GNAL: variants seen among roughly 807,000 people sequenced by gnomAD.
The protein encoded by GNAL is G protein subunit alpha L, also known as guanine nucleotide-binding protein G(olf) subunit alpha.
GNAL carries 18 observed loss-of-function variants against 55.1 expected under a neutral mutation model. That is an observed-to-expected ratio of 0.33 (90% CI 0.23 to 0.48). GNAL has a LOEUF of 0.48. Ranked by LOEUF, GNAL falls within the 20% of genes least tolerant of loss-of-function variation. GNAL has a pLI of 0.99. For synonymous variants in GNAL, 253 were observed against 237.0 expected (o/e 1.07, Z -0.62); for missense variants, 412 against 614.1 (o/e 0.67, Z 3.48).
intron 4 of GNAL, among the ~76,000 whole-genome samples, chr18:11,796,603 C>T (rs1028803296): frequency 8.6e-6 from 1 of 116,036 alleles, no homozygotes; most frequent in Admixed American, 7.8e-5. Flanking sequence ...AAACAAAACA[C>T]GCAACCTTTC....
At chr18:11,743,935 G>A (rs911601566) in intron 1 of GNAL, among the ~76,000 whole-genome samples, 1 of 152,156 alleles carries the variant, frequency 6.6e-6, no homozygotes, top group Admixed American at 6.5e-5. Context: ...TGGTCTTCGG[G>A]GATATTTTTG....
At chr18:11,822,211 T>C (rs2035114793) in intron 4 of GNAL, among the ~76,000 whole-genome samples, 2 of 152,094 alleles carry the variant, frequency 1.3e-5, no homozygotes, top group African/African-American at 2.4e-5. Context: ...TGGGCGCGCC[T>C]GTGGAATCAC....
chr18:11,783,735 G>T (rs758176610), intron 4 of GNAL, among the ~76,000 whole-genome samples: 1 of 152,182 alleles, frequency 6.6e-6, no homozygotes, highest in Non-Finnish European at 1.5e-5. Context: ...ATTTCAGCAT[G>T]TAGTGTTTAG....
intron 11 of GNAL, among the ~76,000 whole-genome samples, chr18:11,880,031 G>A (rs2036628556): frequency 6.6e-6 from 1 of 151,422 alleles, no homozygotes. Flanking sequence ...GGCCGAGGCA[G>A]GCGGATCATG....
chr18:11,864,673 G>C, intron 7 of GNAL, 67 bp downstream of exon 7: 2 of 861,150 alleles, frequency 2.3e-6, no homozygotes, highest in Non-Finnish European at 4.0e-6. Context: ...AGGGCTGTGA[G>C]GTTTAAGGGG....
rs1442081470 is a variant in GNAL at position 11,852,231 on chromosome 18, A to G, written c.723-10164A>G. On this transcript the variant is annotated intron_variant, in intron 5 of 11. Coordinates refer to ENST00000334049, the MANE Select transcript of GNAL (RefSeq NM_182978.4). ...CGCCAGAATGCTGAAATGCCCTTCTACCTTTGGGTTTACAGCCCCCTCCAC... is the reference window on the plus strand; with the variant it reads ...CGCCAGAATGCTGAAATGCCCTTCTGCCTTTGGGTTTACAGCCCCCTCCAC... The G allele has an allele frequency of 7.7e-6, 10 of 1,291,326 alleles. 1 individual carries two copies. In the Middle Eastern group the frequency reaches 7.8e-4, roughly 100 times the overall value. The allele number at this position is 1,291,326 out of a possible 1,614,324, so 80.0% of individuals were successfully genotyped here. A position where few individuals can be genotyped will look rare whatever the true frequency, so the allele number is the denominator to read the frequency against.
chr18:11,794,434 G>C (rs2034322030), intron 4 of GNAL, among the ~76,000 whole-genome samples: 1 of 152,208 alleles, frequency 6.6e-6, no homozygotes, highest in Admixed American at 6.5e-5. Context: ...GCCACAGCAT[G>C]GATGAACCTT....
rs569472234 is a variant in GNAL, at chr18:11,813,497, C to T, written c.625-11421C>T. 2.6e-5 allele frequency among the ~76,000 whole-genome samples: 4 copies of T among 152,154 alleles called. No individual in the cohort carries two copies. In the South Asian group the frequency reaches 6.2e-4, roughly 24 times the overall value. ...AGCAAAGACTAAAGTCGTGATTCTTCGAATCTTTTTTCCCTGATAAAAATA... is the reference window on the plus strand; with the variant it reads ...AGCAAAGACTAAAGTCGTGATTCTTTGAATCTTTTTTCCCTGATAAAAATA... On this transcript the variant is annotated intron_variant, in intron 4 of 11. Transcript: ENST00000334049.
rs1393586549 is a variant in GNAL at position 11,834,247 on chromosome 18, C to T, written c.722+9232C>T. ...GGTCTTAGATGACGGTTGAGTTTTT[C>T]GCTGGACTCAACATCCAGCTTATTC... On this transcript the variant is annotated intron_variant, in intron 5 of 11. Transcript: ENST00000334049. 4.6e-5 allele frequency among the ~76,000 whole-genome samples: 7 copies of T among 152,242 alleles called. No individual in the cohort carries two copies. The Middle Eastern group carries it at 0.02, about 444-fold the overall frequency.
chr18:11,771,918 G>A (rs1598444158), intron 4 of GNAL, among the ~76,000 whole-genome samples: 1 of 151,866 alleles, frequency 6.6e-6, no homozygotes, highest in Admixed American at 6.6e-5. Context: ...ATCAGGTTTC[G>A]CCATGTTGGC....
intron 1 of GNAL, among the ~76,000 whole-genome samples, chr18:11,742,349 C>T (rs1042061567): frequency 6.6e-6 from 1 of 151,020 alleles, no homozygotes; most frequent in Non-Finnish European, 1.5e-5. Context: ...ATTGAATGAT[C>T]GTCATAATTA....
In GNAL at chr18:11,743,486, TC is replaced by T. The variant is rs148931980; in HGVS notation, c.377-9365del. On this transcript the variant is annotated intron_variant, in intron 1 of 11. Coordinates refer to ENST00000334049, the MANE Select transcript of GNAL (RefSeq NM_182978.4). ...AGAAAAGTCAGGGTATCTAGAACCG[TC>T]CTCTAAGTGCTAAAATTATTTTTTA... 9.7e-3 allele frequency among the ~76,000 whole-genome samples: 1,484 copies of T among 152,292 alleles called. 22 individuals carry two copies. The highest frequency in any genetic ancestry group is 0.034 in the African/African-American group (1,419 of 41,560).
In GNAL at chr18:11,868,670, A is replaced by G. The variant is rs1364228033; in HGVS notation, c.1031+7A>G. The stretch of plus-strand genomic sequence containing the variant: ...AAAGCATCTGGAACAACAGGTGACA[A>G]AAATAGCAAATTCAGTCTTACCATT... On this transcript the variant is annotated splice_region_variant and intron_variant, in intron 9 of 11. Coordinates refer to ENST00000334049, the MANE Select transcript of GNAL (RefSeq NM_182978.4). The surrounding 1 kb of genome is among the most constrained non-coding windows in gnomAD (Gnocchi z 4.0). 6.3e-7 allele frequency: 1 copy of G among 1,599,346 alleles called. No individual in the cohort carries two copies. The highest frequency in any genetic ancestry group is 8.5e-7 in the Non-Finnish European group (1 of 1,175,410).
At position 11,689,477 on chromosome 18, in the gene GNAL, C is replaced by G. The variant is rs1452605036; in HGVS notation, c.-87C>G. On this transcript the variant is annotated 5_prime_UTR_variant, in exon 1 of 12. Transcript: ENST00000334049. ...CCCTCCCGCCCCTCCGCTGAGGCGC[C>G]GGCCTGAACTGGGCGCGGGAACCAG... 5.3e-6 allele frequency: 3 copies of G among 564,524 alleles called. No individual in the cohort carries two copies. The highest frequency in any genetic ancestry group is 7.8e-6 in the Non-Finnish European group (3 of 384,072). 35.0% of individuals were successfully genotyped at this position (564,524 alleles called of 1,614,324 possible). A position where few individuals can be genotyped will look rare whatever the true frequency, so the allele number is the denominator to read the frequency against.
At chr18:11,846,462 T>TACACACAC (rs1357598485) in intron 5 of GNAL, among the ~76,000 whole-genome samples, 1 of 20,196 alleles carries the variant, frequency 5.0e-5, no homozygotes, top group African/African-American at 7.3e-5. Context: ...TATATATAAA[T>TACACACAC]ATACACACAC....
intron 4 of GNAL, among the ~76,000 whole-genome samples, chr18:11,799,006 G>T (rs978935759): frequency 6.6e-6 from 1 of 151,938 alleles, no homozygotes; most frequent in African/African-American, 2.4e-5. Context: ...CCAGCAACTT[G>T]GGAAGCTGAG....
chr18:11,824,959 C>T lies in GNAL; in HGVS notation c.666C>T (p.Gly222=), dbSNP rs150286147. 13 of 1,606,262 alleles carry T rather than the reference C, an allele frequency of 8.1e-6. No individual in the cohort carries two copies. The highest frequency in any genetic ancestry group is 4.0e-5 in the African/African-American group (3 of 74,524). Residue 222 remains glycine, a synonymous_variant, in exon 5 of 12, where the codon GGC becomes GGT. Coordinates refer to ENST00000334049, the MANE Select transcript of GNAL (RefSeq NM_182978.4). ...DHVKKLWDDE[G]VKACFERSNE... is the part of the protein sequence containing the mutation. Reference sequence around the variant, plus strand: ...TGAAAAAACTTTGGGACGATGAAGGCGTGAAGGCATGCTTTGAGAGATCCA... The same window carrying T: ...TGAAAAAACTTTGGGACGATGAAGGTGTGAAGGCATGCTTTGAGAGATCCA...
intron 4 of GNAL, among the ~76,000 whole-genome samples, chr18:11,787,007 A>G (rs1442312752): frequency 2.6e-5 from 4 of 152,074 alleles, no homozygotes; most frequent in African/African-American, 9.7e-5. Flanking sequence ...TGGGAGACTG[A>G]GGTAGGAGGA....
intron 4 of GNAL, among the ~76,000 whole-genome samples, chr18:11,792,796 A>AGTGTC (rs913458895): frequency 4.9e-4 from 75 of 152,348 alleles, no homozygotes; most frequent in African/African-American, 1.7e-3. Context: ...CTTGTCTTAA[A>AGTGTC]GTGTCTTTGG....
Sources: gnomAD v4.1 joint callset for allele counts (sites outside exome capture counted in the v4.1 genomes callset) on GRCh38, gnomAD v4.1.1 for gene constraint, Gnocchi (gnomAD v3.1) non-coding constraint, MANE v1.5 for transcripts, NCBI Gene and HGNC (gene_info 2026-07-23, HGNC 2026-07-21) for gene names.